The following FBXW7 variants were observed in gnomAD, a reference collection of about 807,000 sequenced individuals.
FBXW7 encodes the protein F-box/WD repeat-containing protein 7.
A neutral mutation model predicts 86.3 loss-of-function variants in FBXW7; 11 were observed. That is an observed-to-expected ratio of 0.13 (90% confidence interval 0.08 to 0.21). The LOEUF (loss-of-function observed/expected upper bound fraction) is 0.21. FBXW7 is among the 10% of genes least tolerant of loss of function. The pLI is 1.00. For synonymous variants in FBXW7, 313 were observed against 297.9 expected, an observed-to-expected ratio of 1.05 and a Z score of -0.52; for missense variants, 488 against 847.4, an observed-to-expected ratio of 0.58 and a Z score of 5.27.
chr4:152,425,647 A>G (rs1739315262), intron 2 of FBXW7, among the ~76,000 whole-genome samples: 1 of 145,330 alleles, frequency 6.9e-6, no homozygotes, highest in African/African-American at 2.5e-5. Context: ...TGACATGAAG[A>G]AAAAAAAAAA....
chr4:152,426,174 T>A (rs1044246270), intron 2 of FBXW7, among the ~76,000 whole-genome samples: 5 of 152,094 alleles, frequency 3.3e-5, no homozygotes, highest in African/African-American at 1.2e-4. Context: ...AAAGAATTCC[T>A]ACAGATAAAG....
At chr4:152,329,807 T>G in intron 9 of FBXW7, 22 bp from the exon 10 acceptor site, 1 of 1,316,900 alleles carries the variant, frequency 7.6e-7, no homozygotes, top group South Asian at 1.5e-5. Flanking sequence ...ATGTGCAGAT[T>G]AGAAATATGT....
chr4:152,484,897 A>G (rs142206409), intron 2 of FBXW7, among the ~76,000 whole-genome samples: 2,059 of 150,910 alleles, frequency 0.014, 27 homozygotes, highest in Middle Eastern at 0.037. Context: ...GGGAGACAGA[A>G]GCTGCAGTGA....
At chr4:152,439,957 C>T (rs1272368519) in intron 2 of FBXW7, among the ~76,000 whole-genome samples, 1 of 151,730 alleles carries the variant, frequency 6.6e-6, no homozygotes, top group Non-Finnish European at 1.5e-5. Flanking sequence ...TGGGGTAAAC[C>T]AATCTGCACT....
intron 2 of FBXW7, among the ~76,000 whole-genome samples, chr4:152,423,398 A>G (rs1453801441): frequency 6.6e-6 from 1 of 152,232 alleles, no homozygotes; most frequent in African/African-American, 2.4e-5. Flanking sequence ...TTTGACAGTA[A>G]AAACTTTGTA....
chr4:152,424,962 A>C (rs539217102), intron 2 of FBXW7, among the ~76,000 whole-genome samples: 164 of 152,346 alleles, frequency 1.1e-3, no homozygotes, highest in Middle Eastern at 3.4e-3. Flanking sequence ...TGAAACACTT[A>C]GGAGTCTTGT....
chr4:152,415,434 A>ATC (rs1738339170), intron 2 of FBXW7, among the ~76,000 whole-genome samples: 1 of 152,174 alleles, frequency 6.6e-6, no homozygotes, highest in Non-Finnish European at 1.5e-5. Context: ...ATCAGGAAGA[A>ATC]TAACTCAAAG....
At chr4:152,384,481 C>T (rs1256877979) in intron 4 of FBXW7, among the ~76,000 whole-genome samples, 2 of 151,900 alleles carry the variant, frequency 1.3e-5, no homozygotes, top group Middle Eastern at 3.2e-3. Context: ...CTTAAATTTG[C>T]ATAGATAGAA....
chr4:152,513,084 A>G (rs1748132825), intron 2 of FBXW7, among the ~76,000 whole-genome samples: 1 of 152,004 alleles, frequency 6.6e-6, no homozygotes, highest in South Asian at 2.1e-4. Context: ...CTGGTCTCGA[A>G]CCCTTGACCT....
intron 2 of FBXW7, among the ~76,000 whole-genome samples, chr4:152,425,117 C>T (rs116031026): frequency 5.9e-5 from 9 of 152,320 alleles, no homozygotes; most frequent in Non-Finnish European, 1.3e-4. Flanking sequence ...GATTTGTTTT[C>T]ACTGCTGCCA....
intron 4 of FBXW7, among the ~76,000 whole-genome samples, chr4:152,393,996 A>G (rs1240589639): frequency 6.6e-6 from 1 of 152,126 alleles, no homozygotes; most frequent in African/African-American, 2.4e-5. Context: ...GTTTATATGC[A>G]AGATGCTACC....
chr4:152,393,730 G>A (rs561209762), intron 4 of FBXW7, among the ~76,000 whole-genome samples: 2 of 152,174 alleles, frequency 1.3e-5, no homozygotes, highest in East Asian at 3.9e-4. Flanking sequence ...ATTTGCATCT[G>A]ATTTCAATAA....
chr4:152,526,039 G>A (rs1204336981), intron 2 of FBXW7, among the ~76,000 whole-genome samples: 5 of 152,054 alleles, frequency 3.3e-5, no homozygotes, highest in Admixed American at 3.3e-4. Flanking sequence ...TTTGATTTGC[G>A]TTTCTCTAAT....
intron 4 of FBXW7, among the ~76,000 whole-genome samples, chr4:152,397,214 C>T (rs547995622): frequency 6.6e-6 from 1 of 151,902 alleles, no homozygotes; most frequent in Admixed American, 6.6e-5. Flanking sequence ...TTATTTCTGC[C>T]CCCTGAAACA....
At chr4:152,336,947 A>G (rs1730188084) in intron 7 of FBXW7, among the ~76,000 whole-genome samples, 1 of 152,002 alleles carries the variant, frequency 6.6e-6, no homozygotes, top group Admixed American at 6.6e-5. Flanking sequence ...GTATGTTAGT[A>G]TTTTATATTG....
chr4:152,355,504 T>C (rs1732284344), intron 4 of FBXW7, among the ~76,000 whole-genome samples: 1 of 152,172 alleles, frequency 6.6e-6, no homozygotes, highest in African/African-American at 2.4e-5. Flanking sequence ...AAGAAAATGT[T>C]TGTCATCTAT....
chr4:152,480,119 T>C (rs1744749439), intron 2 of FBXW7, among the ~76,000 whole-genome samples: 1 of 152,218 alleles, frequency 6.6e-6, no homozygotes, highest in Admixed American at 6.5e-5. Flanking sequence ...TACAAAATAA[T>C]GGTTTGTGCA....
chr4:152,324,534 C>T (rs1311288324), intron 12 of FBXW7, 140 bp from the exon 13 acceptor site: 29 of 659,962 alleles, frequency 4.4e-5, no homozygotes, highest in Non-Finnish European at 6.8e-5. Flanking sequence ...GATAAAGTGG[C>T]AATGAGGATA....
chr4:152,500,648 T>C (rs1746855403), intron 2 of FBXW7, among the ~76,000 whole-genome samples: 1 of 152,110 alleles, frequency 6.6e-6, no homozygotes, highest in African/African-American at 2.4e-5. Context: ...GGAAACTAGC[T>C]TCCCCATGGA....
Sources: gnomAD v4.1 joint callset for allele counts (sites outside exome capture counted in the v4.1 genomes callset) on GRCh38, gnomAD v4.1.1 for gene constraint, MANE v1.5 for transcripts, NCBI Gene and HGNC (gene_info 2026-07-23, HGNC 2026-07-21) for gene names.